PDE1A: variants seen among roughly 807,000 people sequenced by gnomAD.
PDE1A encodes phosphodiesterase 1A.
Under a neutral mutation model 61.7 loss-of-function variants are expected in PDE1A, and 35 were observed. The observed-to-expected ratio is 0.57, with a 90% confidence interval of 0.43 to 0.75. PDE1A has a LOEUF of 0.75. Ranked by LOEUF, PDE1A falls within the 30% of genes least tolerant of loss-of-function variation. The pLI is 0.00. For missense variants in PDE1A, 597 were observed against 630.6 expected, an observed-to-expected ratio of 0.95 and a Z score of 0.57; for synonymous variants, 232 against 213.2, an observed-to-expected ratio of 1.09 and a Z score of -0.77.
intron 13 of PDE1A, among the ~76,000 whole-genome samples, chr2:182,171,068 C>G (rs957578382): frequency 2.6e-5 from 4 of 151,902 alleles, no homozygotes; most frequent in African/African-American, 9.7e-5. Flanking sequence ...TGATATAAAA[C>G]CTATTCCCAT....
chr2:182,270,607 C>A (rs1358499797), intron 1 of PDE1A, among the ~76,000 whole-genome samples: 1 of 150,970 alleles, frequency 6.6e-6, no homozygotes, highest in Non-Finnish European at 1.5e-5. Flanking sequence ...TATTATATAA[C>A]TATCAACGTT....
intron 1 of PDE1A, among the ~76,000 whole-genome samples, chr2:182,329,848 A>T (rs1178505756): frequency 6.6e-6 from 1 of 152,152 alleles, no homozygotes; most frequent in Non-Finnish European, 1.5e-5. Flanking sequence ...CTTACTGTTT[A>T]TTTTAGAAAG....
At chr2:182,553,015 G>A in the PDE1A span, among the ~76,000 whole-genome samples, 1 of 152,338 alleles carries the variant, frequency 6.6e-6, no homozygotes, top group Non-Finnish European at 1.5e-5. Flanking sequence ...TGCCACTCCT[G>A]ATCTGGGCTA....
At chr2:182,690,734 C>T in the PDE1A span, among the ~76,000 whole-genome samples, 1 of 152,194 alleles carries the variant, frequency 6.6e-6, no homozygotes, top group African/African-American at 2.4e-5. Context: ...AAGAGGAAGT[C>T]AAATTGTCCC....
At chr2:182,187,774 T>TCA (rs1685345497) in intron 11 of PDE1A, among the ~76,000 whole-genome samples, 1 of 128,488 alleles carries the variant, frequency 7.8e-6, no homozygotes, top group Non-Finnish European at 1.6e-5. Context: ...AGATGGAGTC[T>TCA]CACTCTGTTG....
chr2:182,325,221 ATTAAT>A (rs900171061), intron 1 of PDE1A, among the ~76,000 whole-genome samples: 1 of 152,210 alleles, frequency 6.6e-6, no homozygotes, highest in Admixed American at 6.5e-5. Flanking sequence ...TTGGTTAGTA[ATTAAT>A]TTAAAGTTAC....
chr2:182,186,878 T>C (rs911034494), intron 11 of PDE1A, among the ~76,000 whole-genome samples: 2 of 152,204 alleles, frequency 1.3e-5, no homozygotes, highest in African/African-American at 2.4e-5. Context: ...TAATATACGA[T>C]TGCTAACAAT....
At chr2:182,213,076 G>T (rs6729405) in intron 7 of PDE1A, among the ~76,000 whole-genome samples, 6 of 147,048 alleles carry the variant, frequency 4.1e-5, no homozygotes, top group East Asian at 4.1e-4. Context: ...ATCTGAGAAC[G>T]GGCAGACTGC....
chr2:182,594,449 T>C, the PDE1A span, among the ~76,000 whole-genome samples: 1 of 152,340 alleles, frequency 6.6e-6, no homozygotes, highest in African/African-American at 2.4e-5. Context: ...TACTCCTTTG[T>C]GTTAGCAGCT....
chr2:182,247,590 G>A lies in PDE1A; in HGVS notation c.168-7298C>T, dbSNP rs145170258. Among the ~76,000 whole-genome samples, 588 of 151,640 alleles carry A rather than the reference G, an allele frequency of 3.9e-3. 2 individuals carry two copies. Among genetic ancestry groups the A allele is most frequent in the African/African-American group, 0.013 (534 of 41,306 alleles). ...CGCCTTGTACTCTGTGTCTTCTTCC[G>A]TCTGATCAACATGAGCAGCTCCTCA... On this transcript the variant is annotated intron_variant, in intron 2 of 13. Coordinates refer to ENST00000351439, the Ensembl canonical transcript of PDE1A.
At chr2:182,486,863 T>C (rs1281364615) in intron 2 of PDE1A, among the ~76,000 whole-genome samples, 1 of 152,152 alleles carries the variant, frequency 6.6e-6, no homozygotes, top group Non-Finnish European at 1.5e-5. Context: ...TTTGTGACCT[T>C]AGATTAGGCA....
rs1686684224 is a variant in PDE1A at position 182,201,843 on chromosome 2, T to C, written c.903-54A>G. 14 of 1,075,968 alleles carry C rather than the reference T, an allele frequency of 1.3e-5. No homozygotes were observed. In the South Asian group the frequency reaches 1.6e-4, roughly 13 times the overall value. The allele number at this position is 1,075,968 out of a possible 1,614,324, so 66.7% of individuals were successfully genotyped here. On this transcript the variant is annotated intron_variant, in intron 8 of 13. Coordinates refer to ENST00000351439, the Ensembl canonical transcript of PDE1A. ...CATTCAGCCATTTATTGTTCTGAAG[T>C]GGAACACTTCAATAAATAATCACTC...
chr2:182,584,805 A>G, the PDE1A span, among the ~76,000 whole-genome samples: 1 of 152,208 alleles, frequency 6.6e-6, no homozygotes, highest in Non-Finnish European at 1.5e-5. Context: ...GTCCTCACCC[A>G]AGAGCAAGTG....
the PDE1A span, among the ~76,000 whole-genome samples, chr2:182,695,422 T>C: frequency 1.3e-5 from 2 of 152,218 alleles, no homozygotes; most frequent in Non-Finnish European, 1.5e-5. Flanking sequence ...TAAAACTCAT[T>C]AAAATTTAAA....
At chr2:182,660,232 G>C in the PDE1A span, among the ~76,000 whole-genome samples, 2 of 152,146 alleles carry the variant, frequency 1.3e-5, no homozygotes, top group African/African-American at 4.8e-5. Flanking sequence ...GGCAGCTTAA[G>C]GTATATGCAA....
chr2:182,551,883 T>G, the PDE1A span, among the ~76,000 whole-genome samples: 1 of 152,152 alleles, frequency 6.6e-6, no homozygotes, highest in Admixed American at 6.5e-5. Flanking sequence ...AGTTCTTGAC[T>G]TCAATCTGGA....
intron 2 of PDE1A, among the ~76,000 whole-genome samples, chr2:182,457,699 T>A (rs1165454253): frequency 6.6e-6 from 1 of 152,030 alleles, no homozygotes; most frequent in African/African-American, 2.4e-5. Context: ...CAAAAAAGCA[T>A]GTACAGACAA....
intron 2 of PDE1A, among the ~76,000 whole-genome samples, chr2:182,245,071 T>C (rs1690849414): frequency 6.6e-6 from 1 of 152,194 alleles, no homozygotes; most frequent in African/African-American, 2.4e-5. Flanking sequence ...TAACTTGACC[T>C]TTTTATTCTC....
chr2:182,206,037 G>A (rs146577618), exon 8 of PDE1A: 18 of 1,609,764 alleles, frequency 1.1e-5, no homozygotes, highest in African/African-American at 6.7e-5. Flanking sequence ...AGGACAGAGC[G>A]ATCATTATAC....
Sources: allele counts gnomAD v4.1 joint callset (sites outside exome capture counted in the v4.1 genomes callset), GRCh38; gene constraint gnomAD v4.1.1; transcripts MANE v1.5; gene names NCBI Gene and HGNC (gene_info 2026-07-23, HGNC 2026-07-21).